The following RTN4 variants were observed in gnomAD, a reference collection of about 807,000 sequenced individuals.
RTN4 encodes the protein reticulon-4.
A neutral mutation model predicts 90.4 loss-of-function variants in RTN4; 32 were observed. That is an observed-to-expected ratio of 0.35 (90% CI 0.27 to 0.48). The LOEUF is 0.48. Among genes scored for constraint, RTN4 ranks in the 20% least tolerant of loss-of-function variants. RTN4 has a pLI of 0.99. For synonymous variants in RTN4, 629 were observed against 552.5 expected, an observed-to-expected ratio of 1.14 and a Z score of -1.94; for missense variants, 1,706 against 1,430.2, an observed-to-expected ratio of 1.19 and a Z score of -3.11.
At chr2:55,049,587 C>A (rs1015528357) in intron 1 of RTN4, 158 bp downstream of exon 1, 18 of 1,247,158 alleles carry the variant, frequency 1.4e-5, no homozygotes, top group Non-Finnish European at 2.1e-5. Context: ...CCACCCTTCT[C>A]CCCGCGCTTC....
chr2:55,076,703 T>C (rs1668606948), intron 2 of RTN4, among the ~76,000 whole-genome samples: 1 of 151,724 alleles, frequency 6.6e-6, no homozygotes, highest in Non-Finnish European at 1.5e-5. Context: ...CCCACCCAAA[T>C]TTCATCTTGA....
At chr2:55,024,197 G>A (rs1002188746) in intron 3 of RTN4, among the ~76,000 whole-genome samples, 60 of 152,178 alleles carry the variant, frequency 3.9e-4, no homozygotes, top group African/African-American at 1.4e-3. Context: ...GGTTCCTGGG[G>A]TCATCTTTAC....
chr2:55,019,282 T>C (rs1681257021), intron 3 of RTN4, among the ~76,000 whole-genome samples: 2 of 152,140 alleles, frequency 1.3e-5, no homozygotes, highest in African/African-American at 4.8e-5. Context: ...TAAAATCATT[T>C]TTCAACTCTC....
intron 3 of RTN4, among the ~76,000 whole-genome samples, chr2:55,016,599 C>T (rs760224240): frequency 6.6e-6 from 1 of 151,970 alleles, no homozygotes; most frequent in Non-Finnish European, 1.5e-5. Flanking sequence ...AAAACAAAAA[C>T]AAAACACATG....
chr2:55,118,054 G>A, the RTN4 span, among the ~76,000 whole-genome samples: 1 of 152,142 alleles, frequency 6.6e-6, no homozygotes, highest in African/African-American at 2.4e-5. Flanking sequence ...AAGGAAATTT[G>A]TAGCAACCCC....
Position 54,973,006 on chromosome 2 carries a change from C to CACA in RTN4, c.*147_*149dup, listed in dbSNP as rs1467239899. 1.7e-6 allele frequency: 1 copy of CACA among 580,456 alleles called. No individual in the cohort carries two copies. The allele number at this position is 580,456 out of a possible 1,614,324, so 36.0% of individuals were successfully genotyped here. ...GCAGTCAAGACAGGTAATTTTTCCT[C>CACA]ACAACAGTGCATGGCTAAAAATAAA... On this transcript the variant is annotated 3_prime_UTR_variant, in exon 9 of 9. Transcript: ENST00000337526.
chr2:54,992,708 A>C (rs1679106388), intron 3 of RTN4, among the ~76,000 whole-genome samples: 1 of 152,204 alleles, frequency 6.6e-6, no homozygotes, highest in Non-Finnish European at 1.5e-5. Flanking sequence ...TTATCACAGA[A>C]ACATGTCCAT....
intron 1 of RTN4, among the ~76,000 whole-genome samples, chr2:55,109,184 C>A (rs1667993771): frequency 6.6e-6 from 1 of 152,096 alleles, no homozygotes; most frequent in Non-Finnish European, 1.5e-5. Context: ...TAGAAGAGTG[C>A]TAAATTCCTT....
chr2:55,017,712 A>C lies in RTN4; in HGVS notation c.3013+7374T>G, dbSNP rs548467866. Among the ~76,000 whole-genome samples, 375 of 152,296 alleles carry C rather than the reference A, an allele frequency of 2.5e-3. 1 individual carries two copies. Among genetic ancestry groups the C allele is most frequent in the Admixed American group, 4.0e-3 (61 of 15,292 alleles). On this transcript the variant is annotated intron_variant, in intron 3 of 8. Coordinates refer to ENST00000337526, the MANE Select transcript of RTN4 (RefSeq NM_020532.5). ...CCTACCAACATAAACAGATGATAGC[A>C]GTTGTCCAAAGTAGGGTTTTTCAGT...
rs191937723 is a variant in RTN4 at position 54,992,199 on chromosome 2, A to C, written c.3014-4501T>G. On this transcript the variant is annotated intron_variant, in intron 3 of 8. Transcript: ENST00000337526. ...ACCTAATGAAAGGTAGGCTTGAAAG[A>C]GTGAAACCCAGCTCCTACATGACTA... Among the ~76,000 whole-genome samples, 94 of 152,302 alleles carry C rather than the reference A, an allele frequency of 6.2e-4. No homozygotes were observed. The South Asian group carries it at 6.6e-3, about 11-fold the overall frequency.
In RTN4 at chr2:55,025,385, T is replaced by A. The variant is rs199642899; in HGVS notation, c.2714A>T (p.Asp905Val). ...SHKSEIANAP[D>V]GAGSLPCTEL... is the part of the protein sequence containing the mutation. The stretch of plus-strand genomic sequence containing the variant: ...TGTGCAAGGCAATGACCCAGCTCCA[T>A]CCGGGGCATTAGCAATTTCACTTTT... Residue 905 changes from aspartate to valine, a missense_variant, in exon 3 of 9, where the codon GAT (aspartate) becomes GTT (valine). Physicochemically the swap from Asp to Val is radical, Grantham distance 152. Coordinates refer to ENST00000337526, the MANE Select transcript of RTN4 (RefSeq NM_020532.5). 5.6e-6 allele frequency: 9 copies of A among 1,613,832 alleles called. No individual in the cohort carries two copies. The East Asian group carries it at 1.6e-4, about 28-fold the overall frequency.
At position 55,050,369 on chromosome 2, in the gene RTN4, CG is replaced by C. The variant is rs1470464053; in HGVS notation, c.-70del. 16 of 1,088,074 alleles carry C rather than the reference CG, an allele frequency of 1.5e-5. No individual in the cohort carries two copies. Among genetic ancestry groups the C allele is most frequent in the South Asian group, 2.2e-5 (1 of 46,092 alleles). 67.4% of individuals were successfully genotyped at this position (1,088,074 alleles called of 1,614,324 possible). A position where few individuals can be genotyped will look rare whatever the true frequency, so the allele number is the denominator to read the frequency against. On this transcript the variant is annotated 5_prime_UTR_variant, in exon 1 of 9. Coordinates refer to ENST00000337526, the MANE Select transcript of RTN4 (RefSeq NM_020532.5). This position sits in a 1 kb window ranked among gnomAD's most constrained non-coding sequence, Gnocchi z 4.6. ...CGGGGCCGCGTCTCAGAGCCGCGGG[CG>C]GTTGTGGGGGTTGGGGAGGACTGAG...
At chr2:55,001,803 G>A (rs1050580510) in intron 3 of RTN4, among the ~76,000 whole-genome samples, 45 of 152,048 alleles carry the variant, frequency 3.0e-4, no homozygotes, top group African/African-American at 1.0e-3. Flanking sequence ...TTTGTAAAGG[G>A]ACATTATATA....
At chr2:55,066,864 C>T (rs1346344049) in intron 2 of RTN4, among the ~76,000 whole-genome samples, 2 of 152,024 alleles carry the variant, frequency 1.3e-5, no homozygotes, top group Non-Finnish European at 2.9e-5. Flanking sequence ...CAATGTCATA[C>T]AATGAACAGA....
At chr2:55,118,758 C>T in the RTN4 span, among the ~76,000 whole-genome samples, 456 of 152,312 alleles carry the variant, frequency 3.0e-3, 1 homozygote, top group African/African-American at 0.011. Flanking sequence ...TCATGGAACC[C>T]TGAAAAGAGA....
intron 5 of RTN4, among the ~76,000 whole-genome samples, chr2:54,977,346 A>G (rs970534827): frequency 1.3e-5 from 2 of 151,472 alleles, no homozygotes; most frequent in East Asian, 3.9e-4. Flanking sequence ...ACAGCTGCCT[A>G]TGAGCCTGAG....
chr2:54,987,986 C>T (rs1247433161), intron 3 of RTN4, among the ~76,000 whole-genome samples: 1 of 152,188 alleles, frequency 6.6e-6, no homozygotes, highest in African/African-American at 2.4e-5. Context: ...TCTCCAAAGC[C>T]TAGAAGACTT....
chr2:54,973,608 T>C lies in RTN4; in HGVS notation c.3491A>G (p.His1164Arg). 1 of 1,610,262 alleles carries C rather than the reference T, an allele frequency of 6.2e-7. No homozygotes were observed. The highest frequency in any genetic ancestry group is 8.5e-7 in the Non-Finnish European group (1 of 1,176,584). Residue 1164 changes from histidine (H) to arginine (R), a missense_variant, in exon 8 of 9, where the codon CAT becomes CGT. Physicochemically the swap from His to Arg is conservative, Grantham distance 29 (BLOSUM62 0). Transcript: ENST00000337526. ...IYERHQAQID[H>R]YLGLANKNVK... ...ATTCTTATTTGCAAGTCCTAGATAA[T>C]GATCTATCTGTGCCTGAAAGAGAGG...
the RTN4 span, among the ~76,000 whole-genome samples, chr2:55,124,967 G>T: frequency 6.6e-6 from 1 of 152,122 alleles, no homozygotes; most frequent in Non-Finnish European, 1.5e-5. Flanking sequence ...ATGGGGAAAA[G>T]ACTCCCTGTT....
Sources: allele counts gnomAD v4.1 joint callset (sites outside exome capture counted in the v4.1 genomes callset), GRCh38; gene constraint gnomAD v4.1.1; non-coding constraint Gnocchi (gnomAD v3.1); transcripts MANE v1.5; gene names NCBI Gene and HGNC (gene_info 2026-07-23, HGNC 2026-07-21).